The following ESF1 variants were observed in gnomAD, a reference collection of about 807,000 sequenced individuals.
ESF1 encodes ESF1 nucleolar pre-rRNA processing protein.
Under a neutral mutation model 92.0 loss-of-function variants are expected in ESF1, and 58 were observed. The ratio of observed to expected loss-of-function variants is 0.63; its 90% CI spans 0.51 to 0.78. The LOEUF (loss-of-function observed/expected upper bound fraction) is 0.78. Ranked by LOEUF, ESF1 falls within the 30% of genes least tolerant of loss-of-function variation. The probability of loss-of-function intolerance (pLI) is 0.00; values close to 1 mark genes in which losing one functional copy is unlikely to be tolerated. For missense variants in ESF1, 922 were observed against 989.1 expected (o/e 0.93, Z 0.91); for synonymous variants, 321 against 313.7 (o/e 1.02, Z -0.24).
At position 13,783,133 on chromosome 20, in the gene ESF1, G is replaced by A; in HGVS notation, c.8C>T (p.Ser3Phe). Reference sequence around the variant, plus strand: ...CTGGTCACTCATTATTTCTTGTTTGGATGACATTTTTAATTCTTAATCTCG... The same window carrying A: ...CTGGTCACTCATTATTTCTTGTTTGAATGACATTTTTAATTCTTAATCTCG... MS[S>F]KQEIMSDQRF... is the part of the protein sequence containing the mutation. Residue 3 changes from serine (S) to phenylalanine (F), a missense_variant, in exon 2 of 14, where the codon TCC (serine) becomes TTC (phenylalanine). Coordinates refer to ENST00000617257, the MANE Select transcript of ESF1 (RefSeq NM_001276380.2). 6.3e-7 allele frequency: 1 copy of A among 1,593,458 alleles called. No individual in the cohort carries two copies. Among genetic ancestry groups the A allele is most frequent in the Non-Finnish European group, 8.6e-7 (1 of 1,166,736 alleles).
chr20:13,747,294 C>T (rs958405343), intron 9 of ESF1, among the ~76,000 whole-genome samples: 3 of 148,436 alleles, frequency 2.0e-5, no homozygotes, highest in African/African-American at 7.4e-5. Context: ...GGCATGGTGG[C>T]TTATGTCTGT....
chr20:13,725,374 T>TA (rs1204569065), intron 11 of ESF1, among the ~76,000 whole-genome samples: 5 of 152,220 alleles, frequency 3.3e-5, no homozygotes, highest in South Asian at 2.1e-4. Context: ...CTCATATCTT[T>TA]AAAAAAATAC....
intron 2 of ESF1, 36 bp downstream of exon 2, chr20:13,782,468 G>GT (rs1238681605): frequency 2.1e-6 from 3 of 1,458,114 alleles, no homozygotes; most frequent in East Asian, 4.9e-5. Context: ...AATAAATAAT[G>GT]TAACACCCAA....
chr20:13,778,069 A>T (rs948821915), intron 2 of ESF1, among the ~76,000 whole-genome samples: 1 of 152,180 alleles, frequency 6.6e-6, no homozygotes, highest in Non-Finnish European at 1.5e-5. Flanking sequence ...CTATGTTCTC[A>T]ATCACCATAC....
intron 10 of ESF1, among the ~76,000 whole-genome samples, chr20:13,731,658 T>C (rs1371662853): frequency 6.6e-6 from 1 of 152,028 alleles, no homozygotes; most frequent in Admixed American, 6.6e-5. Flanking sequence ...GTGTTACATA[T>C]ATATTATTTT....
At chr20:13,725,780 T>C (rs1027851601) in intron 11 of ESF1, among the ~76,000 whole-genome samples, 6 of 152,218 alleles carry the variant, frequency 3.9e-5, no homozygotes, top group African/African-American at 1.2e-4. Context: ...TCCTTAACTC[T>C]ATATTTGTAC....
In ESF1 at chr20:13,770,008, C is replaced by G; in HGVS notation, c.1417G>C (p.Asp473His). The change falls in exon 7 of 14, where the codon GAT becomes CAT. Residue 473 changes from aspartate (D) to histidine (H), a missense_variant. Asp to His is a moderately conservative substitution (Grantham distance 81). Transcript: ENST00000617257. The part of the protein sequence containing the change: ...SFIDLRFIPD[D>H]ITFDDEPKDV... Reference sequence around the variant, plus strand: ...TTAGGCTCATCATCAAAAGTAATATCATCTGGTATAAACCTAAGAAGTAAA... The same window carrying G: ...TTAGGCTCATCATCAAAAGTAATATGATCTGGTATAAACCTAAGAAGTAAA... The G allele has an allele frequency of 6.2e-7, 1 of 1,606,210 alleles. No homozygotes were observed. Among genetic ancestry groups the G allele is most frequent in the Non-Finnish European group, 8.5e-7 (1 of 1,176,314 alleles).
Position 13,775,984 on chromosome 20 carries a change from A to G in ESF1, c.924T>C (p.Asn308=). ...CTTCATCTTCAGAACTAGTTTCTAT[A>G]TTTCCTTTACCCCTTGCAAGATCAG... ...SGPDLARGKG[N]IETSSEDEDD... Residue 308 remains asparagine (N), a synonymous_variant, in exon 3 of 14, where the codon AAT becomes AAC. Coordinates refer to ENST00000617257, the MANE Select transcript of ESF1 (RefSeq NM_001276380.2). The G allele has an allele frequency of 6.2e-7, 1 of 1,613,862 alleles. No homozygotes were observed. Among genetic ancestry groups the G allele is most frequent in the Admixed American group, 1.7e-5 (1 of 60,002 alleles).
chr20:13,753,621 T>C (rs1038869072), intron 9 of ESF1, among the ~76,000 whole-genome samples: 3 of 152,084 alleles, frequency 2.0e-5, no homozygotes, highest in Non-Finnish European at 2.9e-5. Context: ...CAGATGATCC[T>C]CTGAACGTAC....
intron 11 of ESF1, among the ~76,000 whole-genome samples, chr20:13,721,747 C>T (rs934021054): frequency 6.6e-6 from 1 of 152,196 alleles, no homozygotes; most frequent in Non-Finnish European, 1.5e-5. Flanking sequence ...GCCAGGCTTG[C>T]CTATCAGTGC....
intron 9 of ESF1, among the ~76,000 whole-genome samples, chr20:13,754,178 A>G (rs554031955): frequency 6.6e-6 from 1 of 152,260 alleles, no homozygotes; most frequent in South Asian, 2.1e-4. Flanking sequence ...AAACCATTCA[A>G]TATCACCAGT....
In ESF1 at chr20:13,746,731, A is replaced by G. The variant is rs191138185; in HGVS notation, c.1829-12889T>C. Among the ~76,000 whole-genome samples the G allele has an allele frequency of 3.8e-3, 572 of 152,312 alleles. 3 individuals carry two copies. Among genetic ancestry groups the G allele is most frequent in the African/African-American group, 0.013 (524 of 41,562 alleles). On this transcript the variant is annotated intron_variant, in intron 9 of 13. Transcript: ENST00000617257. ...AAACAGCATTTCTAAGTCAATTTCAAACACTTCTTTGTTATAAAAAACAGA... is the reference window on the plus strand; with the variant it reads ...AAACAGCATTTCTAAGTCAATTTCAGACACTTCTTTGTTATAAAAAACAGA...
At chr20:13,773,030 AACTTATCTCTGTCAT>A in intron 4 of ESF1, among the ~76,000 whole-genome samples, 1 of 152,340 alleles carries the variant, frequency 6.6e-6, no homozygotes, top group South Asian at 2.1e-4. Context: ...TGTAATAACC[AACTTATCTCTGTCAT>A]ACCATTTATC....
intron 9 of ESF1, among the ~76,000 whole-genome samples, chr20:13,751,457 C>A (rs985768531): frequency 9.2e-5 from 14 of 152,136 alleles, no homozygotes; most frequent in Non-Finnish European, 1.6e-4. Context: ...AGTCTAGAAA[C>A]GGTGGCTACA....
chr20:13,743,015 T>G (rs764608048), intron 9 of ESF1, among the ~76,000 whole-genome samples: 2 of 152,252 alleles, frequency 1.3e-5, no homozygotes, highest in African/African-American at 4.8e-5. Context: ...AAGGTTCATC[T>G]ATGTTGTAGC....
At chr20:13,730,805 T>C (rs2049937813) in intron 10 of ESF1, among the ~76,000 whole-genome samples, 1 of 152,014 alleles carries the variant, frequency 6.6e-6, no homozygotes, top group African/African-American at 2.4e-5. Context: ...CTTTAACTGC[T>C]TTATAGATCT....
At chr20:13,734,913 T>C (rs2049966632) in intron 9 of ESF1, among the ~76,000 whole-genome samples, 1 of 152,092 alleles carries the variant, frequency 6.6e-6, no homozygotes, top group African/African-American at 2.4e-5. Flanking sequence ...TCTAAGAACA[T>C]GGAGGTAGGA....
At chr20:13,729,721 C>T (rs967610955) in intron 10 of ESF1, among the ~76,000 whole-genome samples, 21 of 152,168 alleles carry the variant, frequency 1.4e-4, no homozygotes, top group African/African-American at 5.1e-4. Context: ...CTGTTCTCAT[C>T]GCCCAATTTT....
chr20:13,733,785 A>G lies in ESF1; in HGVS notation c.1886T>C (p.Leu629Pro). 6.2e-7 allele frequency: 1 copy of G among 1,613,044 alleles called. No individual in the cohort carries two copies. The highest frequency in any genetic ancestry group is 1.1e-5 in the South Asian group (1 of 90,966). The change falls in exon 10 of 14, where the codon CTG (leucine) becomes CCG (proline). Residue 629 changes from leucine to proline, a missense_variant. By Grantham distance (98) the Leu-to-Pro change is moderately conservative (BLOSUM62 -3). Coordinates refer to ENST00000617257, the MANE Select transcript of ESF1 (RefSeq NM_001276380.2). Reference protein sequence around the residue: ...VKNKLEGKDKLTPWEQFLEKK... With the variant: ...VKNKLEGKDKPTPWEQFLEKK... ...CTCTAAAAATTGTTCCCAAGGGGTC[A>G]GTTTATCCTTTCCTTCCAATTTGTT...
Sources: allele counts gnomAD v4.1 joint callset (sites outside exome capture counted in the v4.1 genomes callset), GRCh38; gene constraint gnomAD v4.1.1; transcripts MANE v1.5; gene names NCBI Gene and HGNC (gene_info 2026-07-23, HGNC 2026-07-21).